Variants in ELMO1 observed in about 807,000 individuals in gnomAD.
ELMO1 encodes engulfment and cell motility 1.
In ELMO1, 26 loss-of-function variants were observed where a neutral mutation model predicts 98.9. The ratio of observed to expected loss-of-function variants is 0.26; its 90% CI spans 0.19 to 0.36. The LOEUF (loss-of-function observed/expected upper bound fraction) is 0.36, where lower values mean the gene tolerates loss of function less well. ELMO1 is among the 10% of genes least tolerant of loss of function. ELMO1 has a pLI of 1.00. For missense variants in ELMO1, 627 were observed against 935.2 expected (o/e 0.67, Z 4.30); for synonymous variants, 346 against 346.0 (o/e 1.00, Z 0.00).
At chr7:36,999,553 TA>T (rs1319041927) in intron 16 of ELMO1, among the ~76,000 whole-genome samples, 1 of 152,142 alleles carries the variant, frequency 6.6e-6, no homozygotes, top group Non-Finnish European at 1.5e-5. Flanking sequence ...TACTACAACT[TA>T]TTATGGTGAG....
chr7:37,192,252 T>A (rs1212174832), intron 13 of ELMO1, among the ~76,000 whole-genome samples: 4 of 152,220 alleles, frequency 2.6e-5, no homozygotes, highest in East Asian at 3.9e-4. Flanking sequence ...ATCCCAGCAC[T>A]TTGGGAGGCC....
intron 15 of ELMO1, among the ~76,000 whole-genome samples, chr7:37,088,681 C>G (rs1281369257): frequency 1.3e-5 from 2 of 152,158 alleles, no homozygotes. Context: ...GGCTTCTGAT[C>G]CTGAATGCAA....
chr7:36,942,839 A>G (rs1189269000), intron 16 of ELMO1, among the ~76,000 whole-genome samples: 1 of 152,230 alleles, frequency 6.6e-6, no homozygotes, highest in African/African-American at 2.4e-5. Context: ...ATGAATACAC[A>G]GTACAGAAAG....
intron 18 of ELMO1, among the ~76,000 whole-genome samples, chr7:36,883,192 C>A (rs961437320): frequency 2.6e-5 from 4 of 152,180 alleles, no homozygotes; most frequent in Non-Finnish European, 5.9e-5. Context: ...GTCATGTCAG[C>A]ACTTAGGGAA....
At chr7:37,320,479 CCTT>C (rs1162689014) in intron 2 of ELMO1, among the ~76,000 whole-genome samples, 4 of 152,304 alleles carry the variant, frequency 2.6e-5, no homozygotes, top group Middle Eastern at 3.4e-3. Flanking sequence ...ATGGCCCTCT[CCTT>C]CTTTCTGTTC....
At chr7:36,869,626 A>G (rs1803342358) in intron 20 of ELMO1, among the ~76,000 whole-genome samples, 1 of 152,198 alleles carries the variant, frequency 6.6e-6, no homozygotes, top group Non-Finnish European at 1.5e-5. Flanking sequence ...ATAGATCACA[A>G]GATTCTAAGA....
intron 16 of ELMO1, among the ~76,000 whole-genome samples, chr7:37,012,078 A>G (rs1785545552): frequency 6.6e-6 from 1 of 152,164 alleles, no homozygotes; most frequent in African/African-American, 2.4e-5. Flanking sequence ...ACTGGGGTCT[A>G]TTTCAAGGAA....
intron 16 of ELMO1, among the ~76,000 whole-genome samples, chr7:36,962,535 A>T (rs956624221): frequency 6.6e-6 from 1 of 152,118 alleles, no homozygotes; most frequent in African/African-American, 2.4e-5. Context: ...TAAGCATGAG[A>T]GTCAGGGCAT....
chr7:37,285,917 T>C (rs1050317514), intron 4 of ELMO1, among the ~76,000 whole-genome samples: 1 of 151,908 alleles, frequency 6.6e-6, no homozygotes, highest in African/African-American at 2.4e-5. Context: ...TCAAACGACA[T>C]GTGCAAATGC....
chr7:37,184,472 C>T (rs1791074168), intron 13 of ELMO1, among the ~76,000 whole-genome samples: 1 of 152,058 alleles, frequency 6.6e-6, no homozygotes, highest in Non-Finnish European at 1.5e-5. Context: ...GATATGGGCT[C>T]CTGTAATTGC....
chr7:37,148,742 G>C (rs1788160584), intron 13 of ELMO1, among the ~76,000 whole-genome samples: 1 of 152,218 alleles, frequency 6.6e-6, no homozygotes, highest in Admixed American at 6.5e-5. Flanking sequence ...GAACAATCCA[G>C]ATATCATGGC....
At position 37,076,237 on chromosome 7, in the gene ELMO1, A is replaced by T. The variant is rs745608448; in HGVS notation, c.1300+20382T>A. Among the ~76,000 whole-genome samples, 21 of 152,066 alleles carry T rather than the reference A, an allele frequency of 1.4e-4. No homozygotes were observed. In the East Asian group the frequency reaches 1.5e-3, roughly 11 times the overall value. ...TCCATTTGACTGCCTCCTTCCAGTTATTTTTTTTCCTATTTCTTGAGATAA... is the reference window on the plus strand; with the variant it reads ...TCCATTTGACTGCCTCCTTCCAGTTTTTTTTTTTCCTATTTCTTGAGATAA... On this transcript the variant is annotated intron_variant, in intron 15 of 21. Coordinates refer to ENST00000310758, the MANE Select transcript of ELMO1 (RefSeq NM_014800.11).
intron 16 of ELMO1, among the ~76,000 whole-genome samples, chr7:36,934,986 G>A (rs1786385571): frequency 1.3e-5 from 2 of 150,030 alleles, no homozygotes; most frequent in East Asian, 2.0e-4. Context: ...GACCACCGTG[G>A]TCTCCACCAC....
intron 16 of ELMO1, among the ~76,000 whole-genome samples, chr7:36,946,792 C>A (rs1411479405): frequency 1.3e-5 from 2 of 152,130 alleles, no homozygotes; most frequent in Non-Finnish European, 2.9e-5. Context: ...CTTCTCACTC[C>A]CCACCTTCTT....
intron 1 of ELMO1, among the ~76,000 whole-genome samples, chr7:37,343,887 C>T (rs1031636409): frequency 3.3e-5 from 5 of 152,088 alleles, no homozygotes; most frequent in Non-Finnish European, 7.4e-5. Context: ...CTCCCAGTGT[C>T]ACCCACCTGC....
chr7:36,872,452 T>C (rs575085881), intron 19 of ELMO1, among the ~76,000 whole-genome samples: 1 of 152,350 alleles, frequency 6.6e-6, no homozygotes, highest in African/African-American at 2.4e-5. Flanking sequence ...ATGCAAGCCA[T>C]GGAGATTTTG....
chr7:37,364,583 A>ATTT (rs34314377), intron 1 of ELMO1, among the ~76,000 whole-genome samples: 71,391 of 148,720 alleles, frequency 0.48, 17,686 homozygotes, highest in East Asian at 0.86. Flanking sequence ...TGCTGGCTTA[A>ATTT]TTTTTTTTTT....
intron 1 of ELMO1, among the ~76,000 whole-genome samples, chr7:37,424,600 T>G (rs1490565243): frequency 6.6e-6 from 1 of 152,196 alleles, no homozygotes; most frequent in Non-Finnish European, 1.5e-5. Flanking sequence ...GCCAAAAGCC[T>G]GGGAATCAAA....
At chr7:36,974,347 C>T (rs1001690873) in intron 16 of ELMO1, among the ~76,000 whole-genome samples, 1 of 152,140 alleles carries the variant, frequency 6.6e-6, no homozygotes, top group African/African-American at 2.4e-5. Context: ...TGTGGAGAAC[C>T]TTTATGTCTA....
Sources: gnomAD v4.1 joint callset for allele counts (sites outside exome capture counted in the v4.1 genomes callset) on GRCh38, gnomAD v4.1.1 for gene constraint, MANE v1.5 for transcripts, NCBI Gene and HGNC (gene_info 2026-07-23, HGNC 2026-07-21) for gene names.